Variants in PCDHGA10 observed in about 807,000 individuals in gnomAD.
PCDHGA10 encodes the protein protocadherin gamma subfamily A, 10, also known as protocadherin gamma-A10.
In PCDHGA10, 42 loss-of-function variants were observed where a neutral mutation model predicts 59.5. That is an observed-to-expected ratio of 0.71 (90% CI 0.55 to 0.91). The LOEUF is 0.91. Among genes scored for constraint, PCDHGA10 ranks in the 40% least tolerant of loss-of-function variants. The pLI is 0.00. For synonymous variants in PCDHGA10, 511 were observed against 517.2 expected, an observed-to-expected ratio of 0.99 and a Z score of 0.16; for missense variants, 1,111 against 1,198.2, an observed-to-expected ratio of 0.93 and a Z score of 1.07.
rs745612756 is a variant in PCDHGA10 at position 141,487,150 on chromosome 5, T to C, written c.2437-7657T>C. The C allele has an allele frequency of 1.1e-5, 17 of 1,613,960 alleles. No individual in the cohort carries two copies. In the South Asian group the frequency reaches 1.6e-4, roughly 16 times the overall value. On this transcript the variant is annotated intron_variant, in intron 1 of 3. Transcript: ENST00000398610. This position sits in a 1 kb window ranked among gnomAD's most constrained non-coding sequence, Gnocchi z 5.0. The stretch of plus-strand genomic sequence containing the variant: ...GTAGTCCACCACTCTCTACCTCTGT[T>C]ACTCTCTTAGTGTCCTTAGAGGAAG...
Position 141,491,995 on chromosome 5 carries a change from G to C in PCDHGA10, c.2437-2812G>C, listed in dbSNP as rs76332593. On this transcript the variant is annotated intron_variant, in intron 1 of 3. Transcript: ENST00000398610. The surrounding 1 kb of genome is among the most constrained non-coding windows in gnomAD (Gnocchi z 6.9). ...CTCCTTCGAGCTTCCGGTGAATTTC[G>C]GGCGATTTCCGCGGGTGTCGGGGGT... is the stretch of plus-strand genomic sequence containing the variant. 0.033 allele frequency: 22,941 copies of C among 696,644 alleles called. 426 individuals carry two copies. The highest frequency in any genetic ancestry group is 0.093 in the Middle Eastern group (249 of 2,666). The allele number at this position is 696,644 out of a possible 1,614,324, so 43.2% of individuals were successfully genotyped here. A position where few individuals can be genotyped will look rare whatever the true frequency, so the allele number is the denominator to read the frequency against.
At chr5:141,423,367 G>A (rs1478466218) in intron 1 of PCDHGA10, 2 of 1,614,068 alleles carry the variant, frequency 1.2e-6, no homozygotes, top group Admixed American at 1.7e-5. Context: ...CGTGCTGCTG[G>A]CACTCAGGCT....
chr5:141,465,048 A>AT (rs905091014), intron 1 of PCDHGA10, among the ~76,000 whole-genome samples: 18 of 151,226 alleles, frequency 1.2e-4, no homozygotes, highest in African/African-American at 4.4e-4. Context: ...GACCCTATAT[A>AT]TTTTTTTGAA....
chr5:141,491,080 A>T lies in PCDHGA10; in HGVS notation c.2437-3727A>T. On this transcript the variant is annotated intron_variant, in intron 1 of 3. Transcript: ENST00000398610. This position sits in a 1 kb window ranked among gnomAD's most constrained non-coding sequence, Gnocchi z 6.9. ...CTCCTACTCACTGTTGCCACAGTCC[A>T]CAGCCCCAGGACTGTTCCTCGTGTC... The T allele has an allele frequency of 6.2e-7, 1 of 1,614,116 alleles. No individual in the cohort carries two copies. Among genetic ancestry groups the T allele is most frequent in the Non-Finnish European group, 8.5e-7 (1 of 1,179,994 alleles).
rs933089146 is a variant in PCDHGA10, at chr5:141,490,786, A to G, written c.2437-4021A>G. ...GTATGTCAACCCAGAGGATGGACGGATCTTTGCCCAGCGTACCTTTGACTA... is the reference window on the plus strand; with the variant it reads ...GTATGTCAACCCAGAGGATGGACGGGTCTTTGCCCAGCGTACCTTTGACTA... On this transcript the variant is annotated intron_variant, in intron 1 of 3. Coordinates refer to ENST00000398610, the MANE Select transcript of PCDHGA10 (RefSeq NM_018913.3). This position sits in a 1 kb window ranked among gnomAD's most constrained non-coding sequence, Gnocchi z 5.4. The G allele has an allele frequency of 1.9e-6, 3 of 1,614,056 alleles. No individual in the cohort carries two copies. The highest frequency in any genetic ancestry group is 1.7e-5 in the Admixed American group (1 of 60,016).
chr5:141,422,062 A>C, intron 1 of PCDHGA10: 4 of 1,612,140 alleles, frequency 2.5e-6, no homozygotes, highest in Non-Finnish European at 3.4e-6. Context: ...CGGGGAAGTA[A>C]TGTATTCATT....
At chr5:141,427,515 G>A (rs753526003) in intron 1 of PCDHGA10, 16 of 596,944 alleles carry the variant, frequency 2.7e-5, no homozygotes, top group African/African-American at 2.2e-4. Context: ...CCTGGATTGG[G>A]AGCGGATCCC....
At chr5:141,458,201 TAGTTTAAAATA>T (rs1175017515) in intron 1 of PCDHGA10, among the ~76,000 whole-genome samples, 1 of 152,168 alleles carries the variant, frequency 6.6e-6, no homozygotes, top group Non-Finnish European at 1.5e-5. Context: ...AGGCCATAAA[TAGTTTAAAATA>T]AGTTTCCTTT....
intron 1 of PCDHGA10, chr5:141,417,759 C>T: frequency 7.0e-7 from 1 of 1,437,100 alleles, no homozygotes; most frequent in South Asian, 1.5e-5. Flanking sequence ...AGCTCCGAGA[C>T]CCGGGACTCC....
At chr5:141,450,885 T>C (rs1262944058) in intron 1 of PCDHGA10, among the ~76,000 whole-genome samples, 1 of 149,238 alleles carries the variant, frequency 6.7e-6, no homozygotes, top group African/African-American at 2.5e-5. Context: ...TGTGCAGTGG[T>C]GCGATATCGG....
At chr5:141,505,300 G>A in intron 2 of PCDHGA10, 93 bp from the exon 3 acceptor site, 1 of 1,589,042 alleles carries the variant, frequency 6.3e-7, no homozygotes, top group South Asian at 1.1e-5. Flanking sequence ...GGTAGGGTTA[G>A]GGTACTAGGT....
chr5:141,439,697 A>T (rs2098127217), intron 1 of PCDHGA10, among the ~76,000 whole-genome samples: 1 of 152,218 alleles, frequency 6.6e-6, no homozygotes, highest in Non-Finnish European at 1.5e-5. Flanking sequence ...CAACATTCCT[A>T]TTATGGCTCC....
Position 141,493,435 on chromosome 5 carries a change from G to T in PCDHGA10, c.2437-1372G>T, listed in dbSNP as rs150678406. On this transcript the variant is annotated intron_variant, in intron 1 of 3. Coordinates refer to ENST00000398610, the MANE Select transcript of PCDHGA10 (RefSeq NM_018913.3). The surrounding 1 kb of genome is among the most constrained non-coding windows in gnomAD (Gnocchi z 4.3). ...TGGGATTTTGCTTCTGCTGGGATGG[G>T]GCAAGGGTGGGGTTCCTTCCCTTTT... Among the ~76,000 whole-genome samples the T allele has an allele frequency of 6.6e-5, 10 of 152,294 alleles. No individual in the cohort carries two copies. In the East Asian group the frequency reaches 1.7e-3, roughly 26 times the overall value.
In PCDHGA10 at chr5:141,431,514, C is replaced by T. The variant is rs760416874; in HGVS notation, c.2436+15903C>T. ...CAGCCCGAGTACCGCGCGAGCGTTC[C>T]GGAGAATCTGGCCTTGGGCACGCAG... On this transcript the variant is annotated intron_variant, in intron 1 of 3. Transcript: ENST00000398610. This position sits in a 1 kb window ranked among gnomAD's most constrained non-coding sequence, Gnocchi z 4.8. 3.1e-6 allele frequency: 5 copies of T among 1,614,012 alleles called. No homozygotes were observed. The highest frequency in any genetic ancestry group is 1.1e-5 in the South Asian group (1 of 91,082).
intron 1 of PCDHGA10, chr5:141,418,428 A>G: frequency 6.2e-7 from 1 of 1,613,980 alleles, no homozygotes; most frequent in Non-Finnish European, 8.5e-7. Flanking sequence ...GATGGTGGCA[A>G]ATATCCAGAA....
rs1457765340 is a variant in PCDHGA10 at position 141,491,122 on chromosome 5, G to GT, written c.2437-3684dup. 1 of 1,614,058 alleles carries GT rather than the reference G, an allele frequency of 6.2e-7. No homozygotes were observed. Among genetic ancestry groups the GT allele is most frequent in the Non-Finnish European group, 8.5e-7 (1 of 1,180,036 alleles). Reference sequence around the variant, plus strand: ...CCTCGTGTCTACACACACTGGTGAGGTGCGCACAGCCCGGGCCTTACTGGA... The same window carrying GT: ...CCTCGTGTCTACACACACTGGTGAGGTTGCGCACAGCCCGGGCCTTACTGGA... On this transcript the variant is annotated intron_variant, in intron 1 of 3. Coordinates refer to ENST00000398610, the MANE Select transcript of PCDHGA10 (RefSeq NM_018913.3). The surrounding 1 kb of genome is among the most constrained non-coding windows in gnomAD (Gnocchi z 6.9).
chr5:141,509,575 T>C (rs186302231), intron 3 of PCDHGA10, among the ~76,000 whole-genome samples: 153 of 152,320 alleles, frequency 1.0e-3, no homozygotes, highest in African/African-American at 3.7e-3. Flanking sequence ...TCACAGTGCG[T>C]ACAAATCAGC....
Position 141,486,683 on chromosome 5 carries a change from G to C in PCDHGA10, c.2437-8124G>C, listed in dbSNP as rs1207359772. 6.2e-7 allele frequency: 1 copy of C among 1,613,974 alleles called. No individual in the cohort carries two copies. ...GGAGCCCAGGAATCGAGATGTATCA[G>C]CTTCCTCTTTCATCTCTCTGAACCC... On this transcript the variant is annotated intron_variant, in intron 1 of 3. Coordinates refer to ENST00000398610, the MANE Select transcript of PCDHGA10 (RefSeq NM_018913.3). This position sits in a 1 kb window ranked among gnomAD's most constrained non-coding sequence, Gnocchi z 5.0.
Position 141,476,782 on chromosome 5 carries a change from A to T in PCDHGA10, c.2437-18025A>T. On this transcript the variant is annotated intron_variant, in intron 1 of 3. Coordinates refer to ENST00000398610, the MANE Select transcript of PCDHGA10 (RefSeq NM_018913.3). The surrounding 1 kb of genome is among the most constrained non-coding windows in gnomAD (Gnocchi z 7.6). ...TGACGGCGTTGGACGGAGGGACCCCAGCTCTCTCCGCCAGCCTGCCTATTC... is the reference window on the plus strand; with the variant it reads ...TGACGGCGTTGGACGGAGGGACCCCTGCTCTCTCCGCCAGCCTGCCTATTC... 6.2e-7 allele frequency: 1 copy of T among 1,613,568 alleles called. No individual in the cohort carries two copies. The highest frequency in any genetic ancestry group is 8.5e-7 in the Non-Finnish European group (1 of 1,179,996).
Sources: allele counts gnomAD v4.1 joint callset (sites outside exome capture counted in the v4.1 genomes callset), GRCh38; gene constraint gnomAD v4.1.1; non-coding constraint Gnocchi (gnomAD v3.1); transcripts MANE v1.5; gene names NCBI Gene and HGNC (gene_info 2026-07-23, HGNC 2026-07-21).